Variants in BBOX1 observed in about 807,000 individuals in gnomAD.
BBOX1 encodes the protein gamma-butyrobetaine hydroxylase 1.
In BBOX1, 35 loss-of-function variants were observed where a neutral mutation model predicts 41.6. The observed-to-expected ratio is 0.84, with a 90% CI of 0.64 to 1.11. The LOEUF (loss-of-function observed/expected upper bound fraction) is 1.11. BBOX1 is among the 50% of genes most tolerant of loss of function. The pLI, the probability that BBOX1 is intolerant of heterozygous loss-of-function variation, is 0.00. For missense variants in BBOX1, 458 were observed against 460.6 expected (o/e 0.99, Z 0.05); for synonymous variants, 163 against 154.7 (o/e 1.05, Z -0.40).
At chr11:27,113,682 T>A (rs2134090869) in intron 5 of BBOX1, among the ~76,000 whole-genome samples, 1 of 151,588 alleles carries the variant, frequency 6.6e-6, no homozygotes, top group South Asian at 2.1e-4. Flanking sequence ...ACGGTGAGGA[T>A]CAAGAAAATC....
chr11:27,085,483 G>T (rs2134024631), intron 4 of BBOX1, among the ~76,000 whole-genome samples: 1 of 151,590 alleles, frequency 6.6e-6, no homozygotes, highest in South Asian at 2.1e-4. Context: ...ACCATAACCA[G>T]CACTCATATA....
In BBOX1 at chr11:27,095,744, G is replaced by A. The variant is rs577204475; in HGVS notation, c.533+2378G>A. Among the ~76,000 whole-genome samples, 6 of 151,940 alleles carry A rather than the reference G, an allele frequency of 3.9e-5. No homozygotes were observed. The South Asian group carries it at 1.2e-3, about 31-fold the overall frequency. On this transcript the variant is annotated intron_variant, in intron 5 of 8. Coordinates refer to ENST00000263182, the MANE Select transcript of BBOX1 (RefSeq NM_003986.3). ...GAACAGTTTTGTTGTTTTTGTTATTGTTGTTTTATTTGCTTTTTTGTTTTT... is the reference window on the plus strand; with the variant it reads ...GAACAGTTTTGTTGTTTTTGTTATTATTGTTTTATTTGCTTTTTTGTTTTT...
At chr11:27,060,344 CT>C (rs1374046582) in intron 4 of BBOX1, among the ~76,000 whole-genome samples, 1 of 152,070 alleles carries the variant, frequency 6.6e-6, no homozygotes, top group African/African-American at 2.4e-5. Flanking sequence ...GATTTTAAGT[CT>C]CCTGAAGCCT....
At chr11:27,127,128 T>C (rs1281957861) in intron 8 of BBOX1, among the ~76,000 whole-genome samples, 165 bp from the exon 9 acceptor site, 1 of 152,192 alleles carries the variant, frequency 6.6e-6, no homozygotes, top group Non-Finnish European at 1.5e-5. Context: ...TTGCATCCAG[T>C]GGCCTGATTT....
chr11:27,064,087 T>C (rs752210132), intron 4 of BBOX1, among the ~76,000 whole-genome samples: 1 of 152,174 alleles, frequency 6.6e-6, no homozygotes, highest in Admixed American at 6.5e-5. Flanking sequence ...CCTTGCTACA[T>C]CCATTCTTGA....
chr11:27,097,101 A>ATGT (rs1185066286), intron 5 of BBOX1, among the ~76,000 whole-genome samples: 6 of 152,032 alleles, frequency 3.9e-5, no homozygotes, highest in African/African-American at 1.4e-4. Flanking sequence ...CAATTTTGTC[A>ATGT]AATACATGTA....
chr11:27,096,041 T>A (rs1858427503), intron 5 of BBOX1, among the ~76,000 whole-genome samples: 1 of 151,988 alleles, frequency 6.6e-6, no homozygotes, highest in Admixed American at 6.6e-5. Context: ...GTATCAGGAC[T>A]CTTCAAAACT....
intron 5 of BBOX1, among the ~76,000 whole-genome samples, chr11:27,112,757 A>G (rs1385770702): frequency 6.6e-6 from 1 of 151,996 alleles, no homozygotes. Context: ...CAATGATTTC[A>G]TGATGACTAT....
intron 5 of BBOX1, among the ~76,000 whole-genome samples, chr11:27,097,537 A>G (rs753998028): frequency 3.9e-5 from 6 of 152,060 alleles, no homozygotes; most frequent in Non-Finnish European, 8.8e-5. Context: ...TTTCTACTTT[A>G]TGAAAAAGTA....
Position 27,104,301 on chromosome 11 carries a change from A to C in BBOX1, c.533+10935A>C, listed in dbSNP as rs184960160. ...AATGTTTTAGATCCATCATGTACCC[A>C]GTTGCTTCTCTCTGCTTTCTCCTAC... On this transcript the variant is annotated intron_variant, in intron 5 of 8. Coordinates refer to ENST00000263182, the MANE Select transcript of BBOX1 (RefSeq NM_003986.3). 4.4e-3 allele frequency among the ~76,000 whole-genome samples: 670 copies of C among 152,246 alleles called. 4 individuals carry two copies. Among genetic ancestry groups the C allele is most frequent in the Non-Finnish European group, 7.6e-3 (516 of 68,008 alleles).
chr11:27,120,701 C>T (rs1017948744), intron 7 of BBOX1, among the ~76,000 whole-genome samples: 2 of 151,584 alleles, frequency 1.3e-5, no homozygotes, highest in Non-Finnish European at 2.9e-5. Context: ...TTAATTATAC[C>T]TCGATTAATT....
chr11:27,050,213 A>G (rs1851628494), intron 2 of BBOX1, among the ~76,000 whole-genome samples: 1 of 152,056 alleles, frequency 6.6e-6, no homozygotes, highest in African/African-American at 2.4e-5. Context: ...ATTGATTTAT[A>G]TGTATTTTTA....
chr11:27,048,636 G>A (rs1355873923), intron 2 of BBOX1, among the ~76,000 whole-genome samples: 2 of 151,812 alleles, frequency 1.3e-5, no homozygotes, highest in East Asian at 3.9e-4. Context: ...TTCCATGTTT[G>A]GGCTGTTCTG....
intron 4 of BBOX1, among the ~76,000 whole-genome samples, chr11:27,060,060 G>A (rs1596252): frequency 0.32 from 49,027 of 151,858 alleles, 8,095 homozygotes; most frequent in East Asian, 0.45. Context: ...TTTGGGGGGC[G>A]AGGAGCAAAA....
At chr11:27,082,771 T>G (rs1334772400) in intron 4 of BBOX1, among the ~76,000 whole-genome samples, 2 of 152,178 alleles carry the variant, frequency 1.3e-5, no homozygotes, top group Non-Finnish European at 2.9e-5. Flanking sequence ...AGGTTCATTG[T>G]TTTTTAAATT....
chr11:27,049,238 C>T (rs929210702), intron 2 of BBOX1, among the ~76,000 whole-genome samples: 1 of 151,922 alleles, frequency 6.6e-6, no homozygotes, highest in African/African-American at 2.4e-5. Context: ...CTCACCAAGA[C>T]TTATCTTTTG....
intron 3 of BBOX1, 105 bp from the exon 4 acceptor site, chr11:27,057,096 C>CAAAAAAAAA (rs1554935646): frequency 2.7e-6 from 1 of 368,280 alleles, no homozygotes; most frequent in Non-Finnish European, 4.6e-6. Context: ...TTAAGCAAAG[C>CAAAAAAAAA]ATAATTGGAT....
At chr11:27,097,061 A>T (rs1200066423) in intron 5 of BBOX1, among the ~76,000 whole-genome samples, 1 of 152,046 alleles carries the variant, frequency 6.6e-6, no homozygotes, top group Non-Finnish European at 1.5e-5. Flanking sequence ...AGGACAAAAG[A>T]ATAAGAGTAG....
At chr11:27,073,916 G>T (rs546994360) in intron 4 of BBOX1, among the ~76,000 whole-genome samples, 72 of 152,156 alleles carry the variant, frequency 4.7e-4, no homozygotes, top group African/African-American at 1.6e-3. Flanking sequence ...CCTGTTGTGG[G>T]GTGGGGGTAA....
Sources: gnomAD v4.1 joint callset for allele counts (sites outside exome capture counted in the v4.1 genomes callset) on GRCh38, gnomAD v4.1.1 for gene constraint, MANE v1.5 for transcripts, NCBI Gene and HGNC (gene_info 2026-07-23, HGNC 2026-07-21) for gene names.